The following CSMD1 variants were observed in gnomAD, a reference collection of about 807,000 sequenced individuals.
The protein encoded by CSMD1 is CUB and sushi domain-containing protein 1.
In CSMD1, 213 loss-of-function variants were observed where a neutral mutation model predicts 417.5. The observed-to-expected ratio is 0.51, with a 90% CI of 0.46 to 0.57. The LOEUF (loss-of-function observed/expected upper bound fraction) is 0.57, where lower values mean the gene tolerates loss of function less well. CSMD1 is among the 20% of genes least tolerant of loss of function. The pLI, the probability that CSMD1 is intolerant of heterozygous loss-of-function variation, is 0.00. For synonymous variants in CSMD1, 2,862 were observed against 1,736.8 expected (o/e 1.65, Z -16.11); for missense variants, 6,923 against 4,529.7 (o/e 1.53, Z -15.17).
chr8:3,111,747 G>A (rs1055376289), intron 42 of CSMD1, among the ~76,000 whole-genome samples: 9 of 152,044 alleles, frequency 5.9e-5, no homozygotes, highest in African/African-American at 2.2e-4. Context: ...CAGGAGAATT[G>A]CTTCAATCTG....
intron 3 of CSMD1, among the ~76,000 whole-genome samples, chr8:4,084,309 A>G (rs373650238): frequency 1.2e-4 from 16 of 138,794 alleles, no homozygotes; most frequent in Middle Eastern, 3.9e-3. Context: ...AAAAAGTGAC[A>G]AAAAATATTG....
At chr8:4,667,981 T>C (rs1805045059) in intron 1 of CSMD1, among the ~76,000 whole-genome samples, 1 of 152,222 alleles carries the variant, frequency 6.6e-6, no homozygotes, top group Non-Finnish European at 1.5e-5. Flanking sequence ...TTGTTAAAAA[T>C]CTACAATATT....
chr8:3,606,867 C>T (rs559766161), intron 8 of CSMD1, among the ~76,000 whole-genome samples: 13 of 152,062 alleles, frequency 8.5e-5, no homozygotes, highest in African/African-American at 2.7e-4. Flanking sequence ...CCTGCCACCA[C>T]GCCCGGCAAA....
chr8:4,345,339 G>A (rs1414442831), intron 3 of CSMD1, among the ~76,000 whole-genome samples: 1 of 151,946 alleles, frequency 6.6e-6, no homozygotes, highest in Non-Finnish European at 1.5e-5. Flanking sequence ...TTCCTTGCTT[G>A]GTTTCCAATT....
intron 3 of CSMD1, among the ~76,000 whole-genome samples, chr8:4,360,347 A>C (rs1801680377): frequency 6.6e-6 from 1 of 152,222 alleles, no homozygotes; most frequent in Non-Finnish European, 1.5e-5. Context: ...TATCTGTTGC[A>C]TGATTAACAC....
chr8:2,938,960 C>T (rs1450211717), intron 69 of CSMD1, among the ~76,000 whole-genome samples: 1 of 152,074 alleles, frequency 6.6e-6, no homozygotes, highest in Non-Finnish European at 1.5e-5. Flanking sequence ...GAATCGATTT[C>T]AAAAATTAAA....
At chr8:4,019,730 G>A (rs1310743208) in intron 4 of CSMD1, among the ~76,000 whole-genome samples, 1 of 152,066 alleles carries the variant, frequency 6.6e-6, no homozygotes, top group South Asian at 2.1e-4. Flanking sequence ...GTATGAATGT[G>A]CCTGTTGTAG....
intron 12 of CSMD1, among the ~76,000 whole-genome samples, chr8:3,445,132 T>C (rs1352031348): frequency 1.3e-5 from 2 of 152,224 alleles, no homozygotes; most frequent in African/African-American, 2.4e-5. Context: ...TAAACTAATA[T>C]ACTTACAACC....
At chr8:4,465,543 CAGAATGGA>C in intron 2 of CSMD1, among the ~76,000 whole-genome samples, 1 of 152,272 alleles carries the variant, frequency 6.6e-6, no homozygotes, top group East Asian at 1.9e-4. Context: ...ACTCCACTCT[CAGAATGGA>C]AGTCAAGTAA....
intron 54 of CSMD1, among the ~76,000 whole-genome samples, chr8:2,995,030 A>T (rs1806756569): frequency 6.6e-6 from 1 of 152,194 alleles, no homozygotes; most frequent in Non-Finnish European, 1.5e-5. Flanking sequence ...CATCAATACC[A>T]TGACCCAGAA....
At chr8:3,802,557 C>G (rs1238578586) in intron 5 of CSMD1, among the ~76,000 whole-genome samples, 3 of 152,114 alleles carry the variant, frequency 2.0e-5, no homozygotes, top group African/African-American at 7.2e-5. Context: ...TTGCCACCTA[C>G]TTAGTTAAGG....
At chr8:4,214,071 T>C (rs901260479) in intron 3 of CSMD1, among the ~76,000 whole-genome samples, 13 of 152,190 alleles carry the variant, frequency 8.5e-5, no homozygotes, top group Non-Finnish European at 5.9e-5. Flanking sequence ...ATATCTGACC[T>C]ACTGAATTAT....
At position 4,482,378 on chromosome 8, in the gene CSMD1, G is replaced by C. The variant is rs550895677; in HGVS notation, c.303-62313C>G. Among the ~76,000 whole-genome samples the C allele has an allele frequency of 2.8e-4, 42 of 152,258 alleles. 1 individual carries two copies. In the South Asian group the frequency reaches 8.3e-3, roughly 30 times the overall value. ...TTCTGTTCCTGAGTTAGTTTGCTAA[G>C]GATAATGGCCTCCAGCTCCATCCAT... On this transcript the variant is annotated intron_variant, in intron 2 of 69. Coordinates refer to ENST00000635120, the MANE Select transcript of CSMD1 (RefSeq NM_033225.6).
intron 3 of CSMD1, among the ~76,000 whole-genome samples, chr8:4,291,880 G>C (rs752292935): frequency 6.6e-6 from 1 of 152,184 alleles, no homozygotes; most frequent in African/African-American, 2.4e-5. Context: ...TTCCTTTCAG[G>C]TGGACAATTT....
chr8:4,023,308 G>C (rs1585151076), intron 4 of CSMD1, among the ~76,000 whole-genome samples: 1 of 152,114 alleles, frequency 6.6e-6, no homozygotes. Context: ...AATTTAACTT[G>C]AGCAAAGAGT....
At chr8:3,139,278 A>C (rs902989465) in intron 41 of CSMD1, among the ~76,000 whole-genome samples, 1 of 152,208 alleles carries the variant, frequency 6.6e-6, no homozygotes, top group Non-Finnish European at 1.5e-5. Context: ...CGGAAAGCAT[A>C]GGATGGAAAT....
chr8:4,122,637 C>T (rs1413868635), intron 3 of CSMD1, among the ~76,000 whole-genome samples: 4 of 152,092 alleles, frequency 2.6e-5, no homozygotes, highest in Non-Finnish European at 5.9e-5. Flanking sequence ...CCTCCAATCG[C>T]CAAACCAAAC....
intron 1 of CSMD1, among the ~76,000 whole-genome samples, chr8:4,661,303 C>A (rs1481482434): frequency 6.6e-6 from 1 of 152,112 alleles, no homozygotes; most frequent in East Asian, 1.9e-4. Context: ...ACAATAACAA[C>A]AAATAAAAAC....
chr8:4,712,983 A>G (rs537175065), intron 1 of CSMD1, among the ~76,000 whole-genome samples: 1 of 152,372 alleles, frequency 6.6e-6, no homozygotes, highest in Non-Finnish European at 1.5e-5. Context: ...CACGGGAATT[A>G]CTGGCAGTAA....
Sources: allele counts gnomAD v4.1 joint callset (sites outside exome capture counted in the v4.1 genomes callset), GRCh38; gene constraint gnomAD v4.1.1; transcripts MANE v1.5; gene names NCBI Gene and HGNC (gene_info 2026-07-23, HGNC 2026-07-21).